Variants in KCNH8 observed in about 807,000 individuals in gnomAD.
KCNH8 encodes potassium voltage-gated channel subfamily H member 8, also known as voltage-gated delayed rectifier potassium channel KCNH8.
In KCNH8, 70 loss-of-function variants were observed where a neutral mutation model predicts 103.6. That is an observed-to-expected ratio of 0.68 (90% CI 0.56 to 0.82). The LOEUF (loss-of-function observed/expected upper bound fraction) is 0.82. KCNH8 is among the 40% of genes least tolerant of loss of function. The pLI is 0.00. For missense variants in KCNH8, 1,217 were observed against 1,329.9 expected, an observed-to-expected ratio of 0.92 and a Z score of 1.32; for synonymous variants, 498 against 489.4, an observed-to-expected ratio of 1.02 and a Z score of -0.23.
At chr3:19,325,896 A>T (rs2065416198) in intron 3 of KCNH8, among the ~76,000 whole-genome samples, 1 of 152,236 alleles carries the variant, frequency 6.6e-6, no homozygotes, top group African/African-American at 2.4e-5. Context: ...ATGTATGTTC[A>T]TTGAAGCATT....
At chr3:19,499,705 G>A (rs1440917023) in intron 11 of KCNH8, among the ~76,000 whole-genome samples, 1 of 152,060 alleles carries the variant, frequency 6.6e-6, no homozygotes, top group Non-Finnish European at 1.5e-5. Context: ...ATAAGTGAAG[G>A]ATAAATAAAA....
intron 11 of KCNH8, 41 bp downstream of exon 11, chr3:19,457,023 T>G (rs1485380983): frequency 1.5e-6 from 2 of 1,379,026 alleles, no homozygotes; most frequent in Non-Finnish European, 2.1e-6. Flanking sequence ...CTAATAACAT[T>G]GGGCCTGGAG....
In KCNH8 at chr3:19,395,316, G is replaced by A; in HGVS notation, c.1177+5G>A. The A allele has an allele frequency of 6.3e-7, 1 of 1,596,578 alleles. No homozygotes were observed. The highest frequency in any genetic ancestry group is 8.6e-7 in the Non-Finnish European group (1 of 1,168,800). On this transcript the variant is annotated splice_donor_5th_base_variant and intron_variant, in intron 7 of 15. Coordinates refer to ENST00000328405, the MANE Select transcript of KCNH8 (RefSeq NM_144633.3). ...GCCTTCTGAAGTGGGAAGTTGGTAA[G>A]GGCTTACATTTGTCACATTTTCCAT...
At chr3:19,182,456 G>C (rs2063462936) in intron 1 of KCNH8, among the ~76,000 whole-genome samples, 1 of 152,148 alleles carries the variant, frequency 6.6e-6, no homozygotes, top group African/African-American at 2.4e-5. Context: ...GCATGAACCC[G>C]GGAGGCAGAG....
Position 19,450,087 on chromosome 3 carries a change from A to G in KCNH8, c.1376-19A>G. On this transcript the variant is annotated intron_variant, in intron 8 of 15. Transcript: ENST00000328405. ...ATGTCACATTTCTCTTCCATTATATACTGTGTTGTTCTTTCTAGCCTTGAT... is the reference window on the plus strand; with the variant it reads ...ATGTCACATTTCTCTTCCATTATATGCTGTGTTGTTCTTTCTAGCCTTGAT... 1 of 1,605,816 alleles carries G rather than the reference A, an allele frequency of 6.2e-7. No homozygotes were observed. Among genetic ancestry groups the G allele is most frequent in the East Asian group, 2.2e-5 (1 of 44,776 alleles).
chr3:19,392,066 G>A (rs984120810), intron 6 of KCNH8, among the ~76,000 whole-genome samples: 5 of 150,656 alleles, frequency 3.3e-5, no homozygotes, highest in South Asian at 4.2e-4. Context: ...AGTACTGAGC[G>A]AATATTTTAA....
chr3:19,403,107 T>C (rs1454598799), intron 7 of KCNH8, among the ~76,000 whole-genome samples: 1 of 151,720 alleles, frequency 6.6e-6, no homozygotes, highest in Non-Finnish European at 1.5e-5. Context: ...CTGACAATTA[T>C]TAATATAAGT....
At chr3:19,420,611 A>T (rs2066936433) in intron 7 of KCNH8, among the ~76,000 whole-genome samples, 1 of 152,200 alleles carries the variant, frequency 6.6e-6, no homozygotes, top group Admixed American at 6.5e-5. Flanking sequence ...TGACTCTGTG[A>T]CCCACTCAGG....
chr3:19,315,608 A>G (rs1416381342), intron 3 of KCNH8, among the ~76,000 whole-genome samples: 1 of 151,864 alleles, frequency 6.6e-6, no homozygotes, highest in African/African-American at 2.4e-5. Context: ...GACCTTAAAA[A>G]TGTGTTAATA....
intron 1 of KCNH8, among the ~76,000 whole-genome samples, chr3:19,227,935 T>G (rs2063950321): frequency 6.6e-6 from 1 of 152,186 alleles, no homozygotes; most frequent in Non-Finnish European, 1.5e-5. Flanking sequence ...ATGTATAATG[T>G]TATGCACTTT....
At chr3:19,181,130 C>T (rs865999609) in intron 1 of KCNH8, among the ~76,000 whole-genome samples, 4 of 152,210 alleles carry the variant, frequency 2.6e-5, no homozygotes, top group Middle Eastern at 6.8e-3. Context: ...TGTGGCAAGA[C>T]ATTTTTAGTC....
Position 19,534,016 on chromosome 3 carries a change from T to G in KCNH8, c.3241T>G (p.Ser1081Ala). 1 of 1,614,156 alleles carries G rather than the reference T, an allele frequency of 6.2e-7. No homozygotes were observed. The highest frequency in any genetic ancestry group is 1.1e-5 in the South Asian group (1 of 91,084). Residue 1081 changes from serine to alanine, a missense_variant, in exon 16 of 16, where the codon TCT becomes GCT. This residue lies in a region of KCNH8 where 558 missense variants were observed against 495.8 expected (regional missense o/e 1.13). Transcript: ENST00000328405. ...GAACCAGGAAGGAATGGCATCAGCT[T>G]CTACAAAACCTTTGGAGAACCTTCC... ...SWNQEGMASA[S>A]TKPLENLPLE...
intron 7 of KCNH8, among the ~76,000 whole-genome samples, chr3:19,421,946 T>C (rs1002324438): frequency 1.3e-5 from 2 of 152,128 alleles, no homozygotes; most frequent in Admixed American, 6.5e-5. Context: ...TATTCAACTG[T>C]ATTTGCCTCT....
chr3:19,439,813 T>C (rs560492709), intron 8 of KCNH8, among the ~76,000 whole-genome samples: 2 of 151,838 alleles, frequency 1.3e-5, no homozygotes, highest in Admixed American at 1.3e-4. Context: ...AGCCATCTTA[T>C]GCACAAAGAT....
At chr3:19,241,080 C>G (rs2064134723) in intron 1 of KCNH8, among the ~76,000 whole-genome samples, 1 of 152,058 alleles carries the variant, frequency 6.6e-6, no homozygotes, top group Non-Finnish European at 1.5e-5. Context: ...ATTAAGATAC[C>G]TCTGCTGTAT....
At chr3:19,402,079 C>G (rs746594271) in intron 7 of KCNH8, among the ~76,000 whole-genome samples, 19 of 151,906 alleles carry the variant, frequency 1.3e-4, no homozygotes, top group Non-Finnish European at 2.7e-4. Flanking sequence ...AAATGTAGCA[C>G]ACTGCATCCC....
intron 5 of KCNH8, among the ~76,000 whole-genome samples, chr3:19,378,235 CATTAGAAGAGCTCAGTCATGTGACCATA>C: frequency 6.6e-6 from 1 of 152,138 alleles, no homozygotes; most frequent in East Asian, 1.9e-4. Flanking sequence ...ATATCACTTT[CATTAGAAGAGCTCAGTCATGTGACCATA>C]ATTAGTTGCA....
At chr3:19,209,632 G>A (rs77927933) in intron 1 of KCNH8, among the ~76,000 whole-genome samples, 190 of 152,126 alleles carry the variant, frequency 1.2e-3, no homozygotes, top group African/African-American at 4.5e-3. Context: ...GCAAATGATT[G>A]TGCCTTCACA....
chr3:19,245,187 A>C (rs546442285), intron 1 of KCNH8, among the ~76,000 whole-genome samples: 1 of 152,238 alleles, frequency 6.6e-6, no homozygotes, highest in South Asian at 2.1e-4. Flanking sequence ...CTAACCAGTT[A>C]TCTTAGCACC....
Sources: gnomAD v4.1 joint callset for allele counts (sites outside exome capture counted in the v4.1 genomes callset) on GRCh38, gnomAD v4.1.1 for gene constraint, gnomAD v4.1.1 regional missense constraint, MANE v1.5 for transcripts, NCBI Gene and HGNC (gene_info 2026-07-23, HGNC 2026-07-21) for gene names.